SPG11: variants seen among roughly 807,000 people sequenced by gnomAD.
SPG11 encodes the protein SPG11 vesicle trafficking associated, spatacsin.
Under a neutral mutation model 274.0 loss-of-function variants are expected in SPG11, and 222 were observed. That is an observed-to-expected ratio of 0.81 (90% confidence interval 0.73 to 0.91). The LOEUF is 0.91. SPG11 is among the 40% of genes least tolerant of loss of function. The probability of loss-of-function intolerance (pLI) is 0.00; values close to 1 mark genes in which losing one functional copy is unlikely to be tolerated. For missense variants in SPG11, 3,114 were observed against 2,872.7 expected (o/e 1.08, Z -1.92); for synonymous variants, 1,144 against 1,039.7 (o/e 1.10, Z -1.93).
chr15:44,611,647 C>G (rs1353274559), intron 17 of SPG11, among the ~76,000 whole-genome samples: 1 of 151,844 alleles, frequency 6.6e-6, no homozygotes, highest in Admixed American at 6.6e-5. Flanking sequence ...AGAAAATAAT[C>G]TGAAATAAGG....
At chr15:44,658,295 T>A (rs2084997420) in intron 3 of SPG11, among the ~76,000 whole-genome samples, 1 of 152,206 alleles carries the variant, frequency 6.6e-6, no homozygotes, top group Admixed American at 6.5e-5. Context: ...ATCTTCAGAA[T>A]AATTTTGCTG....
At chr15:44,648,759 A>C (rs763361715) in intron 7 of SPG11, 107 bp downstream of exon 7, 3 of 1,263,676 alleles carry the variant, frequency 2.4e-6, no homozygotes, top group Non-Finnish European at 3.5e-6. Context: ...CAAAGGCTAT[A>C]GTTCTTTTTG....
rs2083106689 is a variant in SPG11, at chr15:44,598,689, A to G, written c.3834T>C (p.Ile1278=). ...LRVDMKVANI[I]LSYKCRNEDA... is the part of the protein sequence containing the mutation. Reference sequence around the variant, plus strand: ...CTTCATTTCTGCACTTGTAGCTCAAAATTATATTGGCCACTTTCATATCAA... The same window carrying G: ...CTTCATTTCTGCACTTGTAGCTCAAGATTATATTGGCCACTTTCATATCAA... Residue 1278 remains isoleucine (I), a synonymous_variant, in exon 22 of 40, where the codon ATT becomes ATC. Coordinates refer to ENST00000261866, the MANE Select transcript of SPG11 (RefSeq NM_025137.4). 1.2e-6 allele frequency: 2 copies of G among 1,614,196 alleles called. No homozygotes were observed. Among genetic ancestry groups the G allele is most frequent in the Non-Finnish European group, 1.7e-6 (2 of 1,180,028 alleles).
At chr15:44,636,136 G>C (rs1360923386) in intron 7 of SPG11, among the ~76,000 whole-genome samples, 1 of 152,016 alleles carries the variant, frequency 6.6e-6, no homozygotes, top group Non-Finnish European at 1.5e-5. Context: ...ATGGGCCAAA[G>C]TTCTGGGTGT....
At chr15:44,649,879 A>G (rs1249807449) in intron 6 of SPG11, among the ~76,000 whole-genome samples, 2 of 151,222 alleles carry the variant, frequency 1.3e-5, no homozygotes, top group African/African-American at 2.4e-5. Flanking sequence ...GGGAGACAAG[A>G]GTGAGACTCC....
intron 11 of SPG11, among the ~76,000 whole-genome samples, chr15:44,624,037 C>T (rs1346381357): frequency 2.0e-5 from 3 of 151,930 alleles, no homozygotes; most frequent in Non-Finnish European, 2.9e-5. Context: ...CTGGGATTAC[C>T]GGTGTGAGCC....
At chr15:44,656,354 T>C (rs909499541) in intron 4 of SPG11, among the ~76,000 whole-genome samples, 1 of 152,180 alleles carries the variant, frequency 6.6e-6, no homozygotes, top group Admixed American at 6.5e-5. Flanking sequence ...TCAATCAGGG[T>C]TGAAATTTTG....
chr15:44,648,638 G>C (rs535762691), intron 7 of SPG11, among the ~76,000 whole-genome samples: 89 of 150,782 alleles, frequency 5.9e-4, no homozygotes, highest in African/African-American at 2.1e-3. Context: ...TCCATTTCCT[G>C]TACCTTTTTC....
At chr15:44,630,606 C>T (rs1485051725) in intron 8 of SPG11, among the ~76,000 whole-genome samples, 1 of 152,052 alleles carries the variant, frequency 6.6e-6, no homozygotes, top group Non-Finnish European at 1.5e-5. Flanking sequence ...TTTGAGACGG[C>T]GTTTCACTTG....
chr15:44,573,862 C>T, intron 31 of SPG11, 117 bp from the exon 32 acceptor site: 1 of 922,822 alleles, frequency 1.1e-6, no homozygotes, highest in South Asian at 1.4e-5. Context: ...ACAGACTCCT[C>T]ACCCTCAGCA....
At chr15:44,593,754 CTTTTT>C (rs112815798) in intron 26 of SPG11, among the ~76,000 whole-genome samples, 1 of 135,562 alleles carries the variant, frequency 7.4e-6, no homozygotes, top group Admixed American at 7.5e-5. Flanking sequence ...TTCATAATAT[CTTTTT>C]TTTTTTTTTT....
chr15:44,609,434 A>G (rs1412250090), intron 18 of SPG11, among the ~76,000 whole-genome samples: 2 of 151,888 alleles, frequency 1.3e-5, no homozygotes, highest in Non-Finnish European at 2.9e-5. Context: ...CGGCCTTTAA[A>G]CAACATTCTT....
chr15:44,655,321 A>G (rs895912624), intron 4 of SPG11, among the ~76,000 whole-genome samples: 1 of 152,210 alleles, frequency 6.6e-6, no homozygotes, highest in African/African-American at 2.4e-5. Flanking sequence ...TGTATTTTTC[A>G]TCATGTTTCG....
Position 44,651,729 on chromosome 15 carries a change from G to A in SPG11, c.1218C>T (p.Thr406=), listed in dbSNP as rs755743605. The A allele has an allele frequency of 8.1e-6, 13 of 1,614,138 alleles. No homozygotes were observed. Among genetic ancestry groups the A allele is most frequent in the South Asian group, 6.6e-5 (6 of 91,080 alleles). The change falls in exon 6 of 40, where the codon ACC becomes ACT. Residue 406 remains threonine, a synonymous_variant. Coordinates refer to ENST00000261866, the MANE Select transcript of SPG11 (RefSeq NM_025137.4). ...TTTTCCATGATCTTCCTGGATCACT[G>A]GTCTTGGCATGATCTTTCTGTAGAA... The part of the protein sequence containing the change: ...YNVLQKDHAK[T]SDPGRSWKIM...
chr15:44,586,190 G>A (rs1407845066), intron 28 of SPG11, among the ~76,000 whole-genome samples: 1 of 151,654 alleles, frequency 6.6e-6, no homozygotes, highest in Admixed American at 6.6e-5. Flanking sequence ...TCACCATGTT[G>A]TCCAGGCTGC....
intron 19 of SPG11, 86 bp from the exon 20 acceptor site, chr15:44,606,177 T>C (rs2083314054): frequency 4.2e-6 from 5 of 1,176,606 alleles, no homozygotes; most frequent in Non-Finnish European, 6.2e-6. Flanking sequence ...ACTTCAGAGG[T>C]AGTCTGCTCC....
At chr15:44,639,930 G>T (rs1271339843) in intron 7 of SPG11, among the ~76,000 whole-genome samples, 2 of 152,034 alleles carry the variant, frequency 1.3e-5, no homozygotes, top group Non-Finnish European at 2.9e-5. Flanking sequence ...ACCACTTAGG[G>T]TCGGGCATGG....
In SPG11 at chr15:44,657,140, C is replaced by A. The variant is rs769608648; in HGVS notation, c.824G>T (p.Ser275Ile). 2 of 1,614,134 alleles carry A rather than the reference C, an allele frequency of 1.2e-6. No individual in the cohort carries two copies. The highest frequency in any genetic ancestry group is 2.2e-5 in the South Asian group (2 of 91,084). Reference sequence around the variant, plus strand: ...AAGAGCAACTGCGGAGTTGGAGGAGCTGACAATCACTGCAACATCGAGGTC... The same window carrying A: ...AAGAGCAACTGCGGAGTTGGAGGAGATGACAATCACTGCAACATCGAGGTC... Reference protein sequence around the residue: ...SQDLDVAVIVSSSNSAVALNL... With the variant: ...SQDLDVAVIVISSNSAVALNL... Residue 275 changes from serine to isoleucine, a missense_variant, in exon 4 of 40, where the codon AGC (serine) becomes ATC (isoleucine). Transcript: ENST00000261866.
chr15:44,585,246 G>C (rs1297747883), intron 29 of SPG11, among the ~76,000 whole-genome samples: 1 of 151,868 alleles, frequency 6.6e-6, no homozygotes, highest in Non-Finnish European at 1.5e-5. Flanking sequence ...CATCTCATTT[G>C]ATTTACTGTT....
Sources: gnomAD v4.1 joint callset for allele counts (sites outside exome capture counted in the v4.1 genomes callset) on GRCh38, gnomAD v4.1.1 for gene constraint, MANE v1.5 for transcripts, NCBI Gene and HGNC (gene_info 2026-07-23, HGNC 2026-07-21) for gene names.